NME8: variants seen among roughly 807,000 people sequenced by gnomAD.
NME8 encodes the protein NME/NM23 family member 8, also known as protein NME8.
Under a neutral mutation model 82.3 loss-of-function variants are expected in NME8, and 72 were observed. The ratio of observed to expected loss-of-function variants is 0.87; its 90% CI spans 0.72 to 1.06. The LOEUF (loss-of-function observed/expected upper bound fraction) is 1.06. Among genes scored for constraint, NME8 ranks in the 50% least tolerant of loss-of-function variants. NME8 has a pLI of 0.00. For missense variants in NME8, 712 were observed against 685.4 expected (o/e 1.04, Z -0.43); for synonymous variants, 267 against 228.5 (o/e 1.17, Z -1.52).
At position 37,894,544 on chromosome 7, in the gene NME8, T is replaced by TA; in HGVS notation, c.1479dup (p.Glu494ArgfsTer14). On this transcript the variant is annotated frameshift_variant, in exon 16 of 18. Coordinates refer to ENST00000199447, the MANE Select transcript of NME8 (RefSeq NM_016616.5). LOFTEE classifies it high-confidence loss of function. ...AAAATGTTCCTAACTCCTGAGCAAA[T>TA]AGAGAAAATTTATCCAAAAGTAACA... 1 of 1,609,634 alleles carries TA rather than the reference T, an allele frequency of 6.2e-7. No homozygotes were observed. Among genetic ancestry groups the TA allele is most frequent in the South Asian group, 1.1e-5 (1 of 90,984 alleles).
chr7:37,896,948 A>G lies in NME8; in HGVS notation c.1623A>G (p.Pro541=), dbSNP rs2131977689. ...GACGATTGATGGGCCCAACAGACCC[A>G]GAAGAAGCAAAATTACTTTCCCCTG... ...EWRRLMGPTD[P]EEAKLLSPDS... is the part of the protein sequence containing the mutation. Residue 541 remains proline (P), a synonymous_variant, in exon 17 of 18, where the codon CCA becomes CCG. Coordinates refer to ENST00000199447, the MANE Select transcript of NME8 (RefSeq NM_016616.5). 6.2e-7 allele frequency: 1 copy of G among 1,613,942 alleles called. No individual in the cohort carries two copies. The highest frequency in any genetic ancestry group is 2.2e-5 in the East Asian group (1 of 44,868).
chr7:37,897,529 A>AAAAAC (rs1270198414), intron 17 of NME8, among the ~76,000 whole-genome samples: 16 of 152,278 alleles, frequency 1.1e-4, no homozygotes, highest in Admixed American at 2.6e-4. Flanking sequence ...TGTTCTAAAC[A>AAAAAC]AAAACAAAAC....
At chr7:37,883,771 G>C (rs535796548) in intron 12 of NME8, among the ~76,000 whole-genome samples, 1 of 152,332 alleles carries the variant, frequency 6.6e-6, no homozygotes, top group East Asian at 1.9e-4. Flanking sequence ...AAGGATGGAG[G>C]TGTGAGTATT....
At chr7:37,864,073 T>C (rs548787413) in intron 8 of NME8, among the ~76,000 whole-genome samples, 1 of 152,334 alleles carries the variant, frequency 6.6e-6, no homozygotes, top group South Asian at 2.1e-4. Context: ...GCATGGGAAT[T>C]GCATTCAAAC....
In NME8 at chr7:37,848,614, C is replaced by G. The variant is rs1266695101; in HGVS notation, c.-355C>G. 6.6e-6 allele frequency: 1 copy of G among 152,394 alleles called. No homozygotes were observed. The highest frequency in any genetic ancestry group is 2.4e-5 in the African/African-American group (1 of 41,426). The allele number at this position is 152,394 out of a possible 1,614,324, so 9.4% of individuals were successfully genotyped here. On this transcript the variant is annotated 5_prime_UTR_variant, in exon 1 of 18. Transcript: ENST00000199447. ...GGGGGATGGGAGTTTGGGGATGAGG[C>G]AGCTGAAGAACAGAGTCTTGTGATG...
chr7:37,894,900 C>A (rs1785197857), intron 16 of NME8, among the ~76,000 whole-genome samples: 1 of 149,196 alleles, frequency 6.7e-6, no homozygotes, highest in African/African-American at 2.5e-5. Context: ...CTTTCTTTTC[C>A]TTTCCTTTCC....
chr7:37,850,235 T>A (rs1411547183), intron 2 of NME8, 25 bp from the exon 3 acceptor site: 1 of 1,499,192 alleles, frequency 6.7e-7, no homozygotes, highest in East Asian at 2.3e-5. Flanking sequence ...TACTTAAAAA[T>A]TTTTCTTTCT....
chr7:37,865,156 T>C (rs967602315), intron 9 of NME8, among the ~76,000 whole-genome samples: 50 of 152,188 alleles, frequency 3.3e-4, no homozygotes, highest in African/African-American at 1.0e-3. Context: ...AAGTTCACAG[T>C]TCAGCATCTC....
chr7:37,884,282 T>G (rs753003305), intron 12 of NME8, 21 bp from the exon 13 acceptor site: 1 of 1,492,786 alleles, frequency 6.7e-7, no homozygotes, highest in East Asian at 2.3e-5. Context: ...TAAAACTTAT[T>G]ATGTAACTGT....
At chr7:37,868,284 G>A (rs1784720615) in intron 11 of NME8, among the ~76,000 whole-genome samples, 1 of 152,144 alleles carries the variant, frequency 6.6e-6, no homozygotes, top group Admixed American at 6.5e-5. Flanking sequence ...GAGCTTAAGG[G>A]TAATTTGGAC....
chr7:37,883,408 CA>C lies in NME8; in HGVS notation c.995-892del, dbSNP rs145633719. Among the ~76,000 whole-genome samples, 10 of 152,264 alleles carry C rather than the reference CA, an allele frequency of 6.6e-5. No homozygotes were observed. The East Asian group carries it at 1.9e-3, about 29-fold the overall frequency. ...TCTTTTCTGTGAGGTAGTTCTGAAG[CA>C]AATTATTTCTTAAACTGTATTAACA... On this transcript the variant is annotated intron_variant, in intron 12 of 17. Coordinates refer to ENST00000199447, the MANE Select transcript of NME8 (RefSeq NM_016616.5).
At chr7:37,869,521 A>C (rs987338166) in intron 11 of NME8, among the ~76,000 whole-genome samples, 2 of 152,186 alleles carry the variant, frequency 1.3e-5, no homozygotes, top group African/African-American at 4.8e-5. Flanking sequence ...CAACTTTGAG[A>C]AGCTCCAATT....
chr7:37,894,689 T>A, intron 16 of NME8, 79 bp downstream of exon 16: 1 of 1,281,342 alleles, frequency 7.8e-7, no homozygotes, highest in Non-Finnish European at 1.1e-6. Flanking sequence ...ATGCAAAAAT[T>A]AATTAAAACA....
At chr7:37,891,174 T>C (rs1469096681) in intron 15 of NME8, among the ~76,000 whole-genome samples, 3 of 152,026 alleles carry the variant, frequency 2.0e-5, no homozygotes. Flanking sequence ...ATATGCTGTA[T>C]ATTAACCTTT....
rs1428498081 is a variant in NME8 at position 37,848,667 on chromosome 7, A to C, written c.-302A>C. On this transcript the variant is annotated 5_prime_UTR_variant, in exon 1 of 18. Coordinates refer to ENST00000199447, the MANE Select transcript of NME8 (RefSeq NM_016616.5). The stretch of plus-strand genomic sequence containing the variant: ...GGAACCAGGACTTCGTTGTTCCTTC[A>C]TTGTGTGGGCAGAAGAGGTGGAGGA... The C allele has an allele frequency of 1.3e-5, 2 of 152,300 alleles. No individual in the cohort carries two copies. The highest frequency in any genetic ancestry group is 2.9e-5 in the Non-Finnish European group (2 of 68,128). The allele number at this position is 152,300 out of a possible 1,614,324, so 9.4% of individuals were successfully genotyped here. A position where few individuals can be genotyped will look rare whatever the true frequency, so the allele number is the denominator to read the frequency against.
In NME8 at chr7:37,870,069, C is replaced by T. The variant is rs561087554; in HGVS notation, c.818+2171C>T. On this transcript the variant is annotated intron_variant, in intron 11 of 17. Transcript: ENST00000199447. Reference sequence around the variant, plus strand: ...GTGCGTTGGTCCATTCATTCTCCCTCGTCATCCTTTACTGTCCTTCAACAG... The same window carrying T: ...GTGCGTTGGTCCATTCATTCTCCCTTGTCATCCTTTACTGTCCTTCAACAG... Among the ~76,000 whole-genome samples the T allele has an allele frequency of 7.3e-3, 1,107 of 152,202 alleles. 19 individuals are homozygous for T. The highest frequency in any genetic ancestry group is 0.025 in the African/African-American group (1,040 of 41,508).
intron 5 of NME8, among the ~76,000 whole-genome samples, chr7:37,851,238 C>A (rs867631711): frequency 6.6e-6 from 1 of 152,180 alleles, no homozygotes; most frequent in African/African-American, 2.4e-5. Flanking sequence ...AAATGATCAA[C>A]TAATTAGAAT....
chr7:37,862,497 T>C lies in NME8; in HGVS notation c.387+353T>C, dbSNP rs987961645. ...CCTTTGTCCTTCTGGTACTTTGCTC[T>C]TTTTTTTTGTTTTTAAATTGACTTT... On this transcript the variant is annotated intron_variant, in intron 7 of 17. Coordinates refer to ENST00000199447, the MANE Select transcript of NME8 (RefSeq NM_016616.5). Among the ~76,000 whole-genome samples the C allele has an allele frequency of 2.0e-5, 3 of 151,094 alleles. No homozygotes were observed. In the East Asian group the frequency reaches 5.8e-4, roughly 29 times the overall value.
At chr7:37,857,144 C>A in intron 5 of NME8, 130 bp from the exon 6 acceptor site, 1 of 711,056 alleles carries the variant, frequency 1.4e-6, no homozygotes, top group Non-Finnish European at 2.4e-6. Flanking sequence ...ATCCCTAAAA[C>A]CACTAAGGCA....
Sources: gnomAD v4.1 joint callset for allele counts (sites outside exome capture counted in the v4.1 genomes callset) on GRCh38, gnomAD v4.1.1 for gene constraint, MANE v1.5 for transcripts, NCBI Gene and HGNC (gene_info 2026-07-23, HGNC 2026-07-21) for gene names.